Variants in SHISA6 observed in about 807,000 individuals in gnomAD.
SHISA6 encodes the protein shisa family member 6.
Under a neutral mutation model 47.9 loss-of-function variants are expected in SHISA6, and 22 were observed. The ratio of observed to expected loss-of-function variants is 0.46; its 90% CI spans 0.33 to 0.66. The LOEUF is 0.66. Among genes scored for constraint, SHISA6 ranks in the 30% least tolerant of loss-of-function variants. The pLI is 0.02. For synonymous variants in SHISA6, 388 were observed against 337.8 expected (o/e 1.15, Z -1.63); for missense variants, 680 against 764.6 (o/e 0.89, Z 1.30).
At chr17:11,554,746 G>T (rs531120544) in intron 4 of SHISA6, among the ~76,000 whole-genome samples, 3 of 152,166 alleles carry the variant, frequency 2.0e-5, no homozygotes, top group East Asian at 3.9e-4. Context: ...TCCTCCTCAA[G>T]TCTGTGAAGC....
chr17:11,299,083 C>G (rs902788914), intron 2 of SHISA6, among the ~76,000 whole-genome samples: 1 of 152,196 alleles, frequency 6.6e-6, no homozygotes, highest in Admixed American at 6.5e-5. Flanking sequence ...TTCTGTAGCT[C>G]CCATGTCCCT....
intron 2 of SHISA6, among the ~76,000 whole-genome samples, chr17:11,276,344 T>A (rs1256091130): frequency 1.3e-5 from 2 of 152,146 alleles, no homozygotes; most frequent in East Asian, 3.9e-4. Context: ...AACTATTGCA[T>A]CACCCGGGTG....
chr17:11,521,060 A>C (rs2071625445), intron 3 of SHISA6, among the ~76,000 whole-genome samples: 1 of 152,200 alleles, frequency 6.6e-6, no homozygotes, highest in South Asian at 2.1e-4. Context: ...ATCATGGAAC[A>C]TGGTGCTTTG....
At chr17:11,523,691 G>A (rs1008711622) in intron 3 of SHISA6, among the ~76,000 whole-genome samples, 2 of 152,140 alleles carry the variant, frequency 1.3e-5, no homozygotes, top group African/African-American at 4.8e-5. Context: ...GGGGAGTAAA[G>A]AGCTATAATC....
chr17:11,532,739 C>CTTTTTTTTTTTTTTTTTTTTT (rs71142217), intron 3 of SHISA6, among the ~76,000 whole-genome samples: 2 of 71,258 alleles, frequency 2.8e-5, no homozygotes, highest in Non-Finnish European at 2.4e-5. Flanking sequence ...TCTATCAGGG[C>CTTTTTTTTTTTTTTTTTTTTT]TTTTTTTTTT....
intron 2 of SHISA6, among the ~76,000 whole-genome samples, chr17:11,284,850 A>G (rs576601095): frequency 4.6e-5 from 7 of 152,194 alleles, no homozygotes; most frequent in Non-Finnish European, 8.8e-5. Context: ...ATTTAGTGAT[A>G]TGTTCAACCC....
chr17:11,369,853 C>T (rs1256434783), intron 2 of SHISA6, among the ~76,000 whole-genome samples: 7 of 152,132 alleles, frequency 4.6e-5, no homozygotes, highest in African/African-American at 7.2e-5. Context: ...AAATAAATGG[C>T]GCGCTGGGGT....
At chr17:11,490,988 C>A (rs2969213) in intron 3 of SHISA6, among the ~76,000 whole-genome samples, 14,733 of 152,144 alleles carry the variant, frequency 0.097, 919 homozygotes, top group African/African-American at 0.18. Flanking sequence ...GGCTCTTGCC[C>A]AATCTCAGCC....
At chr17:11,393,751 A>C (rs1437750732) in intron 3 of SHISA6, among the ~76,000 whole-genome samples, 1 of 152,182 alleles carries the variant, frequency 6.6e-6, no homozygotes, top group Non-Finnish European at 1.5e-5. Context: ...ACTCAGAATC[A>C]AAGCAAACAA....
chr17:11,460,559 T>G (rs1915666128), intron 3 of SHISA6, among the ~76,000 whole-genome samples: 1 of 152,120 alleles, frequency 6.6e-6, no homozygotes, highest in Admixed American at 6.5e-5. Flanking sequence ...GCCTGGCTAA[T>G]TTTGTATTTT....
intron 1 of SHISA6, among the ~76,000 whole-genome samples, chr17:11,248,774 T>C (rs1164940507): frequency 6.6e-6 from 1 of 152,066 alleles, no homozygotes; most frequent in African/African-American, 2.4e-5. Context: ...AGAAGGAAAA[T>C]AACAGCACAA....
chr17:11,257,999 T>TA (rs916219582), intron 1 of SHISA6, among the ~76,000 whole-genome samples: 10 of 152,178 alleles, frequency 6.6e-5, no homozygotes, highest in South Asian at 2.1e-4. Context: ...TTGAATTTTA[T>TA]AAAAAAATTA....
At chr17:11,423,428 T>C (rs1247687121) in intron 3 of SHISA6, among the ~76,000 whole-genome samples, 1 of 151,768 alleles carries the variant, frequency 6.6e-6, no homozygotes, top group African/African-American at 2.4e-5. Flanking sequence ...ACTGCAACTG[T>C]TTGGGGAAAA....
chr17:11,300,459 TC>T (rs1415083093), intron 2 of SHISA6, among the ~76,000 whole-genome samples: 3 of 152,166 alleles, frequency 2.0e-5, no homozygotes, highest in Admixed American at 2.0e-4. Context: ...AACACTGTTT[TC>T]CAGGCAGCCC....
intron 2 of SHISA6, among the ~76,000 whole-genome samples, chr17:11,320,486 C>T (rs1057095191): frequency 7.9e-5 from 12 of 151,964 alleles, no homozygotes; most frequent in South Asian, 2.1e-4. Context: ...GGTGAAATCC[C>T]GTCTCTACTA....
intron 2 of SHISA6, among the ~76,000 whole-genome samples, chr17:11,271,255 T>G (rs1908639661): frequency 6.6e-6 from 1 of 151,848 alleles, no homozygotes; most frequent in South Asian, 2.1e-4. Flanking sequence ...AGGCCTTGGT[T>G]CTCCTCAGCC....
chr17:11,461,254 G>A (rs1271422883), intron 3 of SHISA6, among the ~76,000 whole-genome samples: 2 of 152,036 alleles, frequency 1.3e-5, no homozygotes, highest in African/African-American at 4.8e-5. Context: ...AAAATTAGCT[G>A]GGCATGGTGG....
intron 2 of SHISA6, among the ~76,000 whole-genome samples, chr17:11,316,409 CTCTCTCTCTCTTT>C (rs1910520236): frequency 1.5e-5 from 1 of 66,370 alleles, no homozygotes; most frequent in Non-Finnish European, 2.7e-5. Flanking sequence ...CTCTCTCTCT[CTCTCTCTCTCTTT>C]TTTTTTTTTT....
intron 2 of SHISA6, among the ~76,000 whole-genome samples, chr17:11,328,954 T>C (rs1911007570): frequency 6.6e-6 from 1 of 152,342 alleles, no homozygotes; most frequent in Non-Finnish European, 1.5e-5. Context: ...TGCTTGAATG[T>C]GCTTCTGCTG....
Sources: allele counts gnomAD v4.1 joint callset (sites outside exome capture counted in the v4.1 genomes callset), GRCh38; gene constraint gnomAD v4.1.1; transcripts MANE v1.5; gene names NCBI Gene and HGNC (gene_info 2026-07-23, HGNC 2026-07-21).